The following ACAN variants were observed in gnomAD, a reference collection of about 807,000 sequenced individuals.
ACAN encodes aggrecan core protein.
Under a neutral mutation model 169.1 loss-of-function variants are expected in ACAN, and 47 were observed. That is an observed-to-expected ratio of 0.28 (90% CI 0.22 to 0.35). ACAN has a LOEUF of 0.35. ACAN is among the 10% of genes least tolerant of loss of function. The probability of loss-of-function intolerance (pLI) is 1.00; values close to 1 mark genes in which losing one functional copy is unlikely to be tolerated. For missense variants in ACAN, 2,716 were observed against 2,759.9 expected, an observed-to-expected ratio of 0.98 and a Z score of 0.36; for synonymous variants, 1,115 against 1,112.2, an observed-to-expected ratio of 1.00 and a Z score of -0.05.
At position 88,873,926 on chromosome 15, in the gene ACAN, G is replaced by A. The variant is rs755055654; in HGVS notation, c.7532G>A (p.Arg2511Gln). 132 of 1,613,626 alleles carry A rather than the reference G, an allele frequency of 8.2e-5. No individual in the cohort carries two copies. Among genetic ancestry groups the A allele is most frequent in the South Asian group, 2.7e-4 (25 of 91,076 alleles). The change falls in exon 18 of 19, where the codon CGG becomes CAG. Residue 2511 changes from arginine (R) to glutamine (Q), a missense_variant. Arg to Gln is a conservative substitution (Grantham distance 43, BLOSUM62 1). Transcript: ENST00000560601. This position sits in a 1 kb window ranked among gnomAD's most constrained non-coding sequence, Gnocchi z 7.5. ...KDRYEINSLV[R>Q]YQCTEGFVQR... is the part of the protein sequence containing the mutation. ...CGGTATGAGATCAATTCCCTGGTGCGGTACCAGTGCACAGAGGGGTTTGTC... is the reference window on the plus strand; with the variant it reads ...CGGTATGAGATCAATTCCCTGGTGCAGTACCAGTGCACAGAGGGGTTTGTC...
intron 8 of ACAN, 124 bp downstream of exon 8, chr15:88,847,541 T>A: frequency 8.5e-7 from 1 of 1,172,732 alleles, no homozygotes; most frequent in Non-Finnish European, 1.2e-6. Flanking sequence ...AATGAATTAG[T>A]GACTCAACTG....
chr15:88,874,752 T>A lies in ACAN; in HGVS notation c.*271T>A. The A allele has an allele frequency of 2.0e-6, 1 of 507,532 alleles. No homozygotes were observed. The allele number at this position is 507,532 out of a possible 1,614,324, so 31.4% of individuals were successfully genotyped here. A position where few individuals can be genotyped will look rare whatever the true frequency, so the allele number is the denominator to read the frequency against. On this transcript the variant is annotated 3_prime_UTR_variant, in exon 19 of 19. Transcript: ENST00000560601. This position sits in a 1 kb window ranked among gnomAD's most constrained non-coding sequence, Gnocchi z 7.3. ...TTAGAGACATTTCTTCAATTTCCCA[T>A]CGTGCCTTTCCAGGGACCAGTGCAG...
rs1013690790 is a variant in ACAN, at chr15:88,855,112, A to G, written c.2527A>G (p.Thr843Ala). The G allele has an allele frequency of 6.9e-6, 11 of 1,605,526 alleles. No individual in the cohort carries two copies. In the African/African-American group the frequency reaches 1.5e-4, roughly 21 times the overall value. Residue 843 changes from threonine (T) to alanine (A), a missense_variant, in exon 12 of 19, where the codon ACA (threonine) becomes GCA (alanine). Physicochemically the swap from Thr to Ala is moderately conservative, Grantham distance 58 (BLOSUM62 0). Around this residue, in one of 3 missense-constraint regions of ACAN, gnomAD observed 1,283 missense variants for 1,281.5 expected, o/e 1.00. Coordinates refer to ENST00000560601, the MANE Select transcript of ACAN (RefSeq NM_001369268.1). ...ACCATCAGCCTCGGAAGAGCCGTATACACCTTCACCCCCCGTGCCCAGCTG... is the reference window on the plus strand; with the variant it reads ...ACCATCAGCCTCGGAAGAGCCGTATGCACCTTCACCCCCCGTGCCCAGCTG... Reference protein sequence around the residue: ...EEPSASEEPYTPSPPVPSWTE... With the variant: ...EEPSASEEPYAPSPPVPSWTE...
intron 1 of ACAN, among the ~76,000 whole-genome samples, chr15:88,824,784 C>G (rs1036333415): frequency 6.6e-6 from 1 of 151,840 alleles, no homozygotes; most frequent in South Asian, 2.1e-4. Context: ...GAGGCTGACG[C>G]AGGAGAATTG....
At chr15:88,828,898 G>C (rs1417605532) in intron 1 of ACAN, among the ~76,000 whole-genome samples, 2 of 152,192 alleles carry the variant, frequency 1.3e-5, no homozygotes, top group Non-Finnish European at 2.9e-5. Context: ...TCTGGATACA[G>C]GTTTGTCTGC....
chr15:88,810,182 G>T (rs201872007), intron 1 of ACAN, among the ~76,000 whole-genome samples: 1 of 152,028 alleles, frequency 6.6e-6, no homozygotes, highest in Non-Finnish European at 1.5e-5. Context: ...TTCACACCAC[G>T]CAGGTCCCAT....
At chr15:88,862,657 A>G (rs974138208) in intron 13 of ACAN, among the ~76,000 whole-genome samples, 1 of 152,118 alleles carries the variant, frequency 6.6e-6, no homozygotes, top group Non-Finnish European at 1.5e-5. Context: ...TTCACGGGTG[A>G]CCCACGATTG....
rs1373901665 is a variant in ACAN, at chr15:88,840,211, G to C, written c.629+25G>C. On this transcript the variant is annotated intron_variant, in intron 4 of 18. Coordinates refer to ENST00000560601, the MANE Select transcript of ACAN (RefSeq NM_001369268.1). Reference sequence around the variant, plus strand: ...GGTGAGCCCTAGCCCATCAGCTAGTGGGGGCCAGGAGTCAGCAGCCACAGG... The same window carrying C: ...GGTGAGCCCTAGCCCATCAGCTAGTCGGGGCCAGGAGTCAGCAGCCACAGG... 3.2e-6 allele frequency: 5 copies of C among 1,560,444 alleles called. No homozygotes were observed. The South Asian group carries it at 3.6e-5, about 11-fold the overall frequency.
rs138854145 is a variant in ACAN at position 88,849,255 on chromosome 15, G to C, written c.1733-183G>C. ...CCCCAGTCCAGTACAAACCAGAGCG[G>C]TGGTCACCTATTTCCCAGGGTCCCA... is the stretch of plus-strand genomic sequence containing the variant. On this transcript the variant is annotated intron_variant, in intron 9 of 18. Transcript: ENST00000560601. The surrounding 1 kb of genome is among the most constrained non-coding windows in gnomAD (Gnocchi z 5.1). 1.9e-4 allele frequency among the ~76,000 whole-genome samples: 29 copies of C among 152,294 alleles called. No individual in the cohort carries two copies. Among genetic ancestry groups the C allele is most frequent in the African/African-American group, 6.3e-4 (26 of 41,554 alleles).
rs372553119 is a variant in ACAN at position 88,851,804 on chromosome 15, G to C, written c.2037G>C (p.Ala679=). The part of the protein sequence containing the change: ...HHAFCFRGIS[A]VPSPGEEEGG... ...CCACATCTCCTTTAGGCATTTCAGC[G>C]GTTCCTTCTCCAGGAGAAGAAGAGG... is the stretch of plus-strand genomic sequence containing the variant. Residue 679 remains alanine (A), a synonymous_variant, in exon 11 of 19, where the codon GCG becomes GCC. Transcript: ENST00000560601. The surrounding 1 kb of genome is among the most constrained non-coding windows in gnomAD (Gnocchi z 4.3). The C allele has an allele frequency of 5.0e-6, 8 of 1,595,386 alleles. No homozygotes were observed. The highest frequency in any genetic ancestry group is 6.0e-6 in the Non-Finnish European group (7 of 1,170,836).
intron 1 of ACAN, among the ~76,000 whole-genome samples, chr15:88,818,098 C>G (rs777718406): frequency 6.6e-6 from 1 of 152,242 alleles, no homozygotes; most frequent in African/African-American, 2.4e-5. Flanking sequence ...GTTTTCCTTA[C>G]TTGACTATTC....
rs1896938783 is a variant in ACAN, at chr15:88,851,908, T to C, written c.2141T>C (p.Val714Ala). 6.2e-7 allele frequency: 1 copy of C among 1,612,494 alleles called. No individual in the cohort carries two copies. Among genetic ancestry groups the C allele is most frequent in the African/African-American group, 1.3e-5 (1 of 74,988 alleles). The change falls in exon 11 of 19, where the codon GTA (valine) becomes GCA (alanine). Residue 714 changes from valine (V) to alanine (A), a missense_variant. This residue lies in a region of ACAN where 1,283 missense variants were observed against 1,281.5 expected (regional missense o/e 1.00). Coordinates refer to ENST00000560601, the MANE Select transcript of ACAN (RefSeq NM_001369268.1). This position sits in a 1 kb window ranked among gnomAD's most constrained non-coding sequence, Gnocchi z 4.3. ...QVVPGVAAVP[V>A]EEETTAVPSG... is the part of the protein sequence containing the mutation. ...GTTCCTGGTGTGGCTGCTGTCCCCGTAGAAGAGGAGACAACTGCTGTACCC... is the reference window on the plus strand; with the variant it reads ...GTTCCTGGTGTGGCTGCTGTCCCCGCAGAAGAGGAGACAACTGCTGTACCC...
In ACAN at chr15:88,851,361, G is replaced by T; in HGVS notation, c.2027-433G>T. 6.3e-6 allele frequency: 1 copy of T among 158,754 alleles called. No individual in the cohort carries two copies. Among genetic ancestry groups the T allele is most frequent in the Non-Finnish European group, 1.4e-5 (1 of 72,168 alleles). The allele number at this position is 158,754 out of a possible 1,614,324, so 9.8% of individuals were successfully genotyped here. A position where few individuals can be genotyped will look rare whatever the true frequency, so the allele number is the denominator to read the frequency against. On this transcript the variant is annotated intron_variant, in intron 10 of 18. Coordinates refer to ENST00000560601, the MANE Select transcript of ACAN (RefSeq NM_001369268.1). This position sits in a 1 kb window ranked among gnomAD's most constrained non-coding sequence, Gnocchi z 4.3. ...AGGTTGTTCAGTAGTTGAGAGCGTG[G>T]AGTCTGGTACCAGATGCTTAAATTC...
chr15:88,840,944 A>G (rs368054761), intron 4 of ACAN, among the ~76,000 whole-genome samples: 16 of 152,268 alleles, frequency 1.1e-4, no homozygotes, highest in East Asian at 9.6e-4. Context: ...GGAGATCGAG[A>G]CCATCCTAGC....
Position 88,874,551 on chromosome 15 carries a change from G to C in ACAN, c.*70G>C. The C allele has an allele frequency of 4.4e-6, 6 of 1,351,580 alleles. No homozygotes were observed. Among genetic ancestry groups the C allele is most frequent in the Non-Finnish European group, 5.2e-6 (5 of 963,594 alleles). The allele number at this position is 1,351,580 out of a possible 1,614,324, so 83.7% of individuals were successfully genotyped here. A position where few individuals can be genotyped will look rare whatever the true frequency, so the allele number is the denominator to read the frequency against. ...GCCAGGCTGACGTGCATCCCACCCA[G>C]ACGGTGTCCTCTTCTTGTCGCTTTT... On this transcript the variant is annotated 3_prime_UTR_variant, in exon 19 of 19. Coordinates refer to ENST00000560601, the MANE Select transcript of ACAN (RefSeq NM_001369268.1). The surrounding 1 kb of genome is among the most constrained non-coding windows in gnomAD (Gnocchi z 7.3).
chr15:88,809,086 G>A (rs1895756919), intron 1 of ACAN, among the ~76,000 whole-genome samples: 1 of 152,122 alleles, frequency 6.6e-6, no homozygotes, highest in African/African-American at 2.4e-5. Context: ...TAAAGGACCT[G>A]GCACAAATTA....
Position 88,857,900 on chromosome 15 carries a change from T to C in ACAN, c.5315T>C (p.Val1772Ala). ...GGTATTAGTGGAGAAGCATCTGGAG[T>C]TCTTTATGGCACTAGTCAACCCTTT... ...QPGISGEASG[V>A]LYGTSQPFGI... Residue 1772 changes from valine (V) to alanine (A), a missense_variant, in exon 12 of 19, where the codon GTT (valine) becomes GCT (alanine). Physicochemically the swap from Val to Ala is moderately conservative, Grantham distance 64. Coordinates refer to ENST00000560601, the MANE Select transcript of ACAN (RefSeq NM_001369268.1). 6.2e-7 allele frequency: 1 copy of C among 1,613,268 alleles called. No homozygotes were observed. Among genetic ancestry groups the C allele is most frequent in the South Asian group, 1.1e-5 (1 of 91,046 alleles).
intron 1 of ACAN, among the ~76,000 whole-genome samples, chr15:88,820,322 G>A (rs1463338535): frequency 6.6e-6 from 1 of 152,078 alleles, no homozygotes; most frequent in Admixed American, 6.5e-5. Flanking sequence ...ATCATAATAG[G>A]AACATGATGG....
At chr15:88,817,289 G>A (rs779060118) in intron 1 of ACAN, among the ~76,000 whole-genome samples, 8 of 151,962 alleles carry the variant, frequency 5.3e-5, no homozygotes, top group Non-Finnish European at 7.4e-5. Flanking sequence ...CTACAGGTGT[G>A]TGCCACCACG....
Sources: allele counts gnomAD v4.1 joint callset (sites outside exome capture counted in the v4.1 genomes callset), GRCh38; gene constraint gnomAD v4.1.1; regional missense constraint gnomAD v4.1.1; non-coding constraint Gnocchi (gnomAD v3.1); transcripts MANE v1.5; gene names NCBI Gene and HGNC (gene_info 2026-07-23, HGNC 2026-07-21).